The following RAB4A variants were observed in gnomAD, a reference collection of about 807,000 sequenced individuals.
RAB4A encodes the protein ras-related protein Rab-4A.
A neutral mutation model predicts 34.5 loss-of-function variants in RAB4A; 20 were observed. That is an observed-to-expected ratio of 0.58 (90% CI 0.41 to 0.84). The LOEUF is 0.84. Among genes scored for constraint, RAB4A ranks in the 40% least tolerant of loss-of-function variants. RAB4A has a pLI of 0.00. For synonymous variants in RAB4A, 102 were observed against 100.0 expected (o/e 1.02, Z -0.12); for missense variants, 228 against 274.5 (o/e 0.83, Z 1.20).
chr1:229,280,944 G>A (rs1656762602), intron 1 of RAB4A, among the ~76,000 whole-genome samples: 3 of 152,142 alleles, frequency 2.0e-5, no homozygotes, highest in Admixed American at 2.0e-4. Context: ...CCAGGTTATT[G>A]CATGTATTGA....
Position 229,302,953 on chromosome 1 carries a change from G to T in RAB4A, c.633G>T (p.Pro211=). 1.2e-6 allele frequency: 2 copies of T among 1,613,856 alleles called. No homozygotes were observed. The highest frequency in any genetic ancestry group is 1.1e-5 in the South Asian group (1 of 91,052). ...GGTCACCGCGGCGCGCACAGGCCCCGAACGCTCAGGAGTGTGGTTGTTAGG... is the reference window on the plus strand; with the variant it reads ...GGTCACCGCGGCGCGCACAGGCCCCTAACGCTCAGGAGTGTGGTTGTTAGG... The part of the protein sequence containing the change: ...QLRSPRRAQA[P]NAQECGC Residue 211 remains proline, a synonymous_variant, in exon 7 of 8, where the codon CCG becomes CCT. Coordinates refer to ENST00000366690, the MANE Select transcript of RAB4A (RefSeq NM_004578.4).
chr1:229,279,355 A>G (rs951432464), intron 1 of RAB4A, among the ~76,000 whole-genome samples: 4 of 152,230 alleles, frequency 2.6e-5, no homozygotes, highest in East Asian at 1.9e-4. Context: ...ATCATTGACT[A>G]TTGACTGCTG....
In RAB4A at chr1:229,304,022, CAT is replaced by C. The variant is rs914836642; in HGVS notation, c.*232_*233del. 6.6e-6 allele frequency: 1 copy of C among 152,190 alleles called. No individual in the cohort carries two copies. The highest frequency in any genetic ancestry group is 2.4e-5 in the African/African-American group (1 of 41,430). The allele number at this position is 152,190 out of a possible 1,614,324, so 9.4% of individuals were successfully genotyped here. A position where few individuals can be genotyped will look rare whatever the true frequency, so the allele number is the denominator to read the frequency against. The stretch of plus-strand genomic sequence containing the variant: ...ATGTGTATGTAAAAATTTTCTGTTT[CAT>C]ATTTTTCCTTTCACTTTCGGTTTAA... On this transcript the variant is annotated 3_prime_UTR_variant, in exon 8 of 8. Transcript: ENST00000366690.
rs1558240141 is a variant in RAB4A, at chr1:229,295,896, C to T, written c.276C>T (p.Val92=). Residue 92 remains valine, a synonymous_variant, in exon 4 of 8, where the codon GTC becomes GTT. Transcript: ENST00000366690. ...GAGGCGCGGCCGGGGCTCTCCTCGT[C>T]TATGATATCACCAGGTAATGCCAGC... The part of the protein sequence containing the change: ...YYRGAAGALL[V]YDITSRETYN... 6.2e-7 allele frequency: 1 copy of T among 1,614,088 alleles called. No homozygotes were observed. Among genetic ancestry groups the T allele is most frequent in the East Asian group, 2.2e-5 (1 of 44,864 alleles).
At chr1:229,279,389 G>A (rs767110602) in intron 1 of RAB4A, among the ~76,000 whole-genome samples, 24 of 152,120 alleles carry the variant, frequency 1.6e-4, no homozygotes, top group Non-Finnish European at 3.2e-4. Flanking sequence ...GTGCTATTAC[G>A]GCCACTTTCT....
In RAB4A at chr1:229,297,513, T is replaced by G; in HGVS notation, c.322T>G (p.Leu108Val). 6.2e-7 allele frequency: 1 copy of G among 1,610,494 alleles called. No individual in the cohort carries two copies. The highest frequency in any genetic ancestry group is 2.2e-5 in the East Asian group (1 of 44,790). ...AACCTACAATGCGCTTACTAATTGGTTAACAGATGCCCGAATGCTAGCGAG... is the reference window on the plus strand; with the variant it reads ...AACCTACAATGCGCTTACTAATTGGGTAACAGATGCCCGAATGCTAGCGAG... ...RETYNALTNW[L>V]TDARMLASQN... The change falls in exon 5 of 8, where the codon TTA (leucine) becomes GTA (valine). Residue 108 changes from leucine (L) to valine (V), a missense_variant. Leu to Val is a conservative substitution (Grantham distance 32, BLOSUM62 1). Coordinates refer to ENST00000366690, the MANE Select transcript of RAB4A (RefSeq NM_004578.4).
At chr1:229,291,444 C>T (rs1657066075) in intron 3 of RAB4A, among the ~76,000 whole-genome samples, 1 of 152,172 alleles carries the variant, frequency 6.6e-6, no homozygotes, top group Non-Finnish European at 1.5e-5. Context: ...GATGGCACTG[C>T]CCTTCCAGGA....
At chr1:229,273,722 G>A (rs771945728) in intron 1 of RAB4A, among the ~76,000 whole-genome samples, 2 of 152,222 alleles carry the variant, frequency 1.3e-5, no homozygotes, top group Non-Finnish European at 2.9e-5. Context: ...CTGGGCAACA[G>A]AGTGAGACTC....
At chr1:229,288,326 C>T (rs1656977460) in intron 2 of RAB4A, among the ~76,000 whole-genome samples, 1 of 152,122 alleles carries the variant, frequency 6.6e-6, no homozygotes, top group South Asian at 2.1e-4. Context: ...GTAGTTGAAA[C>T]TGTCTCCACC....
intron 6 of RAB4A, among the ~76,000 whole-genome samples, chr1:229,302,632 C>A (rs547557164): frequency 1.3e-5 from 2 of 151,736 alleles, no homozygotes; most frequent in South Asian, 2.1e-4. Context: ...GTTACCACCC[C>A]CTCCTGTCCT....
At chr1:229,278,678 C>T (rs539974053) in intron 1 of RAB4A, among the ~76,000 whole-genome samples, 2 of 152,334 alleles carry the variant, frequency 1.3e-5, no homozygotes, top group East Asian at 3.9e-4. Flanking sequence ...TCCCTTTCCA[C>T]TGGTAGCTTC....
intron 1 of RAB4A, among the ~76,000 whole-genome samples, chr1:229,279,276 A>G (rs1426857860): frequency 3.3e-5 from 5 of 152,200 alleles, no homozygotes; most frequent in Non-Finnish European, 5.9e-5. Context: ...TTGCTTGGGG[A>G]AAAAACTAGG....
chr1:229,275,302 G>C (rs1656612093), intron 1 of RAB4A, among the ~76,000 whole-genome samples: 1 of 152,192 alleles, frequency 6.6e-6, no homozygotes, highest in Non-Finnish European at 1.5e-5. Flanking sequence ...GCATCTACCA[G>C]CCAAGGAGTG....
chr1:229,278,514 C>T (rs1262982048), intron 1 of RAB4A, among the ~76,000 whole-genome samples: 26 of 152,200 alleles, frequency 1.7e-4, no homozygotes, highest in Admixed American at 1.7e-3. Flanking sequence ...GGAAAAGATG[C>T]CATGTCTGCA....
chr1:229,302,279 A>T lies in RAB4A; in HGVS notation c.542-583A>T, dbSNP rs866073595. ...TAATTATATATATATATATATATAT[A>T]TATATATATATATATATATATATAT... On this transcript the variant is annotated intron_variant, in intron 6 of 7. Transcript: ENST00000366690. 4.9e-4 allele frequency among the ~76,000 whole-genome samples: 8 copies of T among 16,292 alleles called. 1 individual carries two copies. Among genetic ancestry groups the T allele is most frequent in the African/African-American group, 1.1e-3 (3 of 2,780 alleles). The allele number at this position is 16,292 out of a possible 152,430, so 10.7% of individuals were successfully genotyped here.
intron 3 of RAB4A, among the ~76,000 whole-genome samples, chr1:229,295,572 G>T (rs1007341112): frequency 2.0e-5 from 3 of 152,172 alleles, no homozygotes; most frequent in African/African-American, 4.8e-5. Context: ...GCTGGCTTCC[G>T]CAGACAGCTC....
intron 1 of RAB4A, among the ~76,000 whole-genome samples, chr1:229,281,359 C>A (rs1403393833): frequency 1.3e-5 from 2 of 151,990 alleles, no homozygotes; most frequent in Non-Finnish European, 2.9e-5. Flanking sequence ...GGTGGGTTTA[C>A]CCTTATGTAT....
chr1:229,303,061 AGCTGCAGTATG>A, intron 7 of RAB4A, 72 bp downstream of exon 7: 1 of 1,122,412 alleles, frequency 8.9e-7, no homozygotes, highest in Admixed American at 1.9e-5. Flanking sequence ...AGCTTTGGGA[AGCTGCAGTATG>A]AAAAAGAGGG....
intron 4 of RAB4A, among the ~76,000 whole-genome samples, chr1:229,296,825 C>T (rs1558240480): frequency 6.6e-6 from 1 of 152,202 alleles, no homozygotes; most frequent in Non-Finnish European, 1.5e-5. Context: ...GCTCAGCCTG[C>T]TAAAGTGTGA....
Sources: gnomAD v4.1 joint callset for allele counts (sites outside exome capture counted in the v4.1 genomes callset) on GRCh38, gnomAD v4.1.1 for gene constraint, MANE v1.5 for transcripts, NCBI Gene and HGNC (gene_info 2026-07-23, HGNC 2026-07-21) for gene names.